Variants in NRP1 observed in about 807,000 individuals in gnomAD.
NRP1 encodes the protein neuropilin-1.
A neutral mutation model predicts 106.7 loss-of-function variants in NRP1; 35 were observed. That is an observed-to-expected ratio of 0.33 (90% CI 0.25 to 0.43). The LOEUF (loss-of-function observed/expected upper bound fraction) is 0.43. Among genes scored for constraint, NRP1 ranks in the 20% least tolerant of loss-of-function variants. NRP1 has a pLI of 1.00. For synonymous variants in NRP1, 437 were observed against 417.9 expected (o/e 1.05, Z -0.56); for missense variants, 1,024 against 1,170.4 (o/e 0.87, Z 1.83).
intron 2 of NRP1, among the ~76,000 whole-genome samples, chr10:33,306,843 T>C (rs1846200853): frequency 6.6e-6 from 1 of 152,218 alleles, no homozygotes; most frequent in African/African-American, 2.4e-5. Context: ...TAATGAGTGA[T>C]AGAGACTTTG....
At chr10:33,202,573 G>GGT (rs1837413382) in intron 11 of NRP1, 5 of 1,423,288 alleles carry the variant, frequency 3.5e-6, no homozygotes, top group African/African-American at 3.0e-5. Flanking sequence ...TTATTGGGGG[G>GGT]GGGTCTGAAA....
rs114334252 is a variant in NRP1, at chr10:33,289,559, G to A, written c.249-18703C>T. 2.5e-3 allele frequency among the ~76,000 whole-genome samples: 377 copies of A among 152,242 alleles called. 2 individuals are homozygous for A. Among genetic ancestry groups the A allele is most frequent in the African/African-American group, 8.9e-3 (368 of 41,544 alleles). ...TGTTATAAATAAGGGTGACATTGAC[G>A]CATTTCAAATTGTTCCTCGAAGAGC... On this transcript the variant is annotated intron_variant, in intron 2 of 16. Coordinates refer to ENST00000374867, the MANE Select transcript of NRP1 (RefSeq NM_003873.7).
intron 2 of NRP1, among the ~76,000 whole-genome samples, chr10:33,314,018 TTCTCTCTCTC>T (rs71792669): frequency 2.2e-5 from 1 of 45,664 alleles, no homozygotes; most frequent in Non-Finnish European, 5.3e-5. Context: ...CCTTCCTTCC[TTCTCTCTCTC>T]TCTTTCTCTC....
intron 9 of NRP1, chr10:33,211,754 A>G (rs966770340): frequency 6.6e-6 from 1 of 152,226 alleles, no homozygotes; most frequent in Non-Finnish European, 1.5e-5. Context: ...ATATTAAGCC[A>G]TGTTCCCACA....
At chr10:33,255,434 C>CA (rs1435132560) in intron 5 of NRP1, among the ~76,000 whole-genome samples, 1 of 152,120 alleles carries the variant, frequency 6.6e-6, no homozygotes, top group African/African-American at 2.4e-5. Flanking sequence ...GATAATTGCA[C>CA]AAACAATTTT....
chr10:33,186,121 C>A, intron 14 of NRP1, 96 bp downstream of exon 14: 1 of 1,428,374 alleles, frequency 7.0e-7, no homozygotes, highest in South Asian at 1.4e-5. Context: ...GAAATAATTT[C>A]GGAATAATTC....
intron 4 of NRP1, among the ~76,000 whole-genome samples, chr10:33,260,953 A>G (rs1473702591): frequency 1.4e-5 from 2 of 146,060 alleles, no homozygotes; most frequent in Non-Finnish European, 3.0e-5. Context: ...ATGTTGAACT[A>G]CTATGACACA....
At chr10:33,311,370 G>A (rs2776935) in intron 2 of NRP1, among the ~76,000 whole-genome samples, 127,310 of 152,100 alleles carry the variant, frequency 0.84, 53,888 homozygotes, top group East Asian at 0.98. Flanking sequence ...CCTGCCTTGG[G>A]GGCTGCAGAT....
chr10:33,263,977 C>T, intron 3 of NRP1, 104 bp from the exon 4 acceptor site: 1 of 722,712 alleles, frequency 1.4e-6, no homozygotes, highest in Non-Finnish European at 2.4e-6. Context: ...TAAAAGCCCG[C>T]CAGTATAACC....
intron 2 of NRP1, among the ~76,000 whole-genome samples, chr10:33,309,563 A>G (rs975306734): frequency 2.6e-5 from 4 of 152,072 alleles, no homozygotes; most frequent in African/African-American, 9.7e-5. Context: ...CATGTCCACA[A>G]TTTCCTGTAT....
intron 5 of NRP1, among the ~76,000 whole-genome samples, chr10:33,256,027 A>G (rs1440549933): frequency 6.6e-6 from 1 of 152,146 alleles, no homozygotes; most frequent in Non-Finnish European, 1.5e-5. Context: ...TGCCAGGTAG[A>G]TGCTCTAGTC....
chr10:33,298,114 T>A (rs1845544430), intron 2 of NRP1, among the ~76,000 whole-genome samples: 1 of 152,180 alleles, frequency 6.6e-6, no homozygotes, highest in Admixed American at 6.5e-5. Context: ...CCTCTGGAAA[T>A]ATTTTTTCAG....
chr10:33,302,470 A>G (rs1588955714), intron 2 of NRP1, among the ~76,000 whole-genome samples: 1 of 152,208 alleles, frequency 6.6e-6, no homozygotes, highest in Non-Finnish European at 1.5e-5. Context: ...AAAGATGGCT[A>G]TTGGATAAGA....
chr10:33,202,659 T>C (rs1451549056), intron 11 of NRP1: 7 of 1,543,366 alleles, frequency 4.5e-6, no homozygotes, highest in Non-Finnish European at 6.1e-6. Flanking sequence ...TCCTAGCCTT[T>C]GGCTCTCGAA....
Position 33,254,127 on chromosome 10 carries a change from A to G in NRP1, c.882T>C (p.Ser294=), listed in dbSNP as rs1488762664. 1 of 1,614,080 alleles carries G rather than the reference A, an allele frequency of 6.2e-7. No homozygotes were observed. Among genetic ancestry groups the G allele is most frequent in the Middle Eastern group, 1.7e-4 (1 of 6,018 alleles). ...GEIHSDQITA[S]SQYSTNWSAE... is the part of the protein sequence containing the mutation. ...CAGACCAGTTGGTGCTATACTGGGA[A>G]GAAGCTGTGATCTGGTCAGAATGAA... is the stretch of plus-strand genomic sequence containing the variant. Residue 294 remains serine (S), a synonymous_variant, in exon 6 of 17, where the codon TCT becomes TCC. Coordinates refer to ENST00000374867, the MANE Select transcript of NRP1 (RefSeq NM_003873.7).
chr10:33,212,891 G>A (rs928282932), intron 9 of NRP1: 1 of 267,102 alleles, frequency 3.7e-6, no homozygotes, highest in Non-Finnish European at 7.1e-6. Context: ...GTCTGGTCTC[G>A]AACTCCTGAG....
chr10:33,330,639 TC>T lies in NRP1; in HGVS notation c.248+68del, dbSNP rs578085600. On this transcript the variant is annotated intron_variant, in intron 2 of 16. Transcript: ENST00000374867. ...ATAATCTACATTGTACACACCGACT[TC>T]CCCCCCGTAGACAGGCGTGACCACT... 1.4e-4 allele frequency: 190 copies of T among 1,379,414 alleles called. 1 individual carries two copies. The highest frequency in any genetic ancestry group is 2.7e-4 in the African/African-American group (19 of 69,136). The allele number at this position is 1,379,414 out of a possible 1,614,324, so 85.4% of individuals were successfully genotyped here. A position where few individuals can be genotyped will look rare whatever the true frequency, so the allele number is the denominator to read the frequency against.
intron 2 of NRP1, among the ~76,000 whole-genome samples, chr10:33,277,674 A>G (rs973855988): frequency 1.3e-5 from 2 of 152,246 alleles, no homozygotes; most frequent in African/African-American, 2.4e-5. Flanking sequence ...AATTTCTATG[A>G]AAGTCATTCT....
chr10:33,305,118 T>G (rs1846056512), intron 2 of NRP1, among the ~76,000 whole-genome samples: 1 of 152,236 alleles, frequency 6.6e-6, no homozygotes, highest in Non-Finnish European at 1.5e-5. Flanking sequence ...TAGTGTGATC[T>G]CATTGGTAAC....
Sources: allele counts gnomAD v4.1 joint callset (sites outside exome capture counted in the v4.1 genomes callset), GRCh38; gene constraint gnomAD v4.1.1; transcripts MANE v1.5; gene names NCBI Gene and HGNC (gene_info 2026-07-23, HGNC 2026-07-21).